Variants in BLK observed in about 807,000 individuals in gnomAD.
BLK encodes the protein BLK proto-oncogene, Src family tyrosine kinase.
In BLK, 64 loss-of-function variants were observed where a neutral mutation model predicts 61.8. That is an observed-to-expected ratio of 1.03 (90% CI 0.85 to 1.27). The LOEUF is 1.27. Ranked by LOEUF, BLK falls within the 50% of genes most tolerant of loss-of-function variation. BLK has a pLI of 0.00. For synonymous variants in BLK, 351 were observed against 272.0 expected, an observed-to-expected ratio of 1.29 and a Z score of -2.86; for missense variants, 853 against 660.5, an observed-to-expected ratio of 1.29 and a Z score of -3.19.
intron 1 of BLK, among the ~76,000 whole-genome samples, chr8:11,535,217 G>A (rs7822529): frequency 0.045 from 4,471 of 98,620 alleles, 203 homozygotes; most frequent in African/African-American, 0.092. Flanking sequence ...GAAAGAAAGA[G>A]AGAGAAAGAA....
chr8:11,510,191 G>A (rs944633451), intron 1 of BLK, among the ~76,000 whole-genome samples: 3 of 152,190 alleles, frequency 2.0e-5, no homozygotes, highest in African/African-American at 7.2e-5. Flanking sequence ...CGATGATATG[G>A]GGAGATGAAA....
At chr8:11,499,241 G>T (rs144619955) in intron 1 of BLK, among the ~76,000 whole-genome samples, 2 of 152,330 alleles carry the variant, frequency 1.3e-5, no homozygotes, top group African/African-American at 2.4e-5. Context: ...AGGCTGTGTA[G>T]GTGTGTAGCC....
intron 3 of BLK, among the ~76,000 whole-genome samples, chr8:11,546,912 T>A (rs899563748): frequency 5.9e-5 from 9 of 152,218 alleles, no homozygotes; most frequent in African/African-American, 2.2e-4. Context: ...GCTGGCCTGC[T>A]GGGTACTGTA....
intron 1 of BLK, among the ~76,000 whole-genome samples, chr8:11,533,612 A>AGGAGGAGGG: frequency 8.4e-6 from 1 of 119,536 alleles, no homozygotes; most frequent in Non-Finnish European, 1.7e-5. Flanking sequence ...GAGAAGGAGG[A>AGGAGGAGGG]GGAGAGGAGT....
At chr8:11,508,846 G>A (rs1424286985) in intron 1 of BLK, among the ~76,000 whole-genome samples, 1 of 152,196 alleles carries the variant, frequency 6.6e-6, no homozygotes, top group Non-Finnish European at 1.5e-5. Context: ...CATTTGCAGA[G>A]GCCAGAGGAG....
intron 1 of BLK, among the ~76,000 whole-genome samples, chr8:11,523,785 A>C (rs924759900): frequency 2.0e-5 from 3 of 152,180 alleles, no homozygotes; most frequent in African/African-American, 7.2e-5. Flanking sequence ...TCAATAGAAA[A>C]GTAAATTAAT....
At chr8:11,555,828 G>A (rs1196055980) in intron 8 of BLK, 2 of 381,900 alleles carry the variant, frequency 5.2e-6, no homozygotes, top group Non-Finnish European at 1.0e-5. Flanking sequence ...ATGGAAACAG[G>A]AGGTTAAACG....
rs78359721 is a variant in BLK at position 11,534,050 on chromosome 8, C to T, written c.-1-9174C>T. 7.1e-3 allele frequency among the ~76,000 whole-genome samples: 1,081 copies of T among 152,328 alleles called. 6 individuals carry two copies. Among genetic ancestry groups the T allele is most frequent in the Non-Finnish European group, 0.011 (742 of 68,032 alleles). On this transcript the variant is annotated intron_variant, in intron 1 of 12. Coordinates refer to ENST00000259089, the MANE Select transcript of BLK (RefSeq NM_001715.3). ...AGTGGAGCTCATGACCTGCCTGCAT[C>T]AGCATCACTGGGGGCATTTTTTAAA...
intron 1 of BLK, among the ~76,000 whole-genome samples, chr8:11,538,430 C>G (rs902675909): frequency 6.6e-6 from 1 of 152,160 alleles, no homozygotes; most frequent in African/African-American, 2.4e-5. Context: ...CCCATAGAGA[C>G]CTGAGGTACT....
chr8:11,560,658 CTCT>C (rs567493417), intron 10 of BLK: 194 of 354,194 alleles, frequency 5.5e-4, no homozygotes, highest in African/African-American at 3.2e-3. Flanking sequence ...AGAGACAAGT[CTCT>C]TCTTCTTCAC....
At chr8:11,531,666 CT>C (rs1280525123) in intron 1 of BLK, among the ~76,000 whole-genome samples, 2 of 152,162 alleles carry the variant, frequency 1.3e-5, no homozygotes, top group Non-Finnish European at 2.9e-5. Context: ...GTTTCATAGT[CT>C]TTCTGGTAGC....
intron 10 of BLK, chr8:11,559,831 C>G (rs1034607683): frequency 4.4e-6 from 2 of 456,074 alleles, no homozygotes; most frequent in African/African-American, 4.0e-5. Context: ...AATGTCATTT[C>G]TATGAAGGTT....
rs542703443 is a variant in BLK at position 11,556,932 on chromosome 8, A to T, written c.952+95A>T. 1,711 of 566,206 alleles carry T rather than the reference A, an allele frequency of 3.0e-3. 32 individuals carry two copies. In the South Asian group the frequency reaches 0.033, roughly 11 times the overall value. 35.1% of individuals were successfully genotyped at this position (566,206 alleles called of 1,614,324 possible). A position where few individuals can be genotyped will look rare whatever the true frequency, so the allele number is the denominator to read the frequency against. On this transcript the variant is annotated intron_variant, in intron 9 of 12. Transcript: ENST00000259089. ...TCCGCTGCGGTGGGTTCACCAGGCC[A>T]GGGGGTCCTGCAGATCTAGGGCATG...
chr8:11,548,379 C>T (rs1453164659), intron 4 of BLK, among the ~76,000 whole-genome samples: 2 of 152,242 alleles, frequency 1.3e-5, no homozygotes, highest in Admixed American at 1.3e-4. Context: ...CGCCTCCATG[C>T]AGCCCTCCTG....
chr8:11,520,233 T>C (rs1263016245), intron 1 of BLK, among the ~76,000 whole-genome samples: 2 of 151,802 alleles, frequency 1.3e-5, no homozygotes, highest in African/African-American at 4.8e-5. Flanking sequence ...TCCCAGCACT[T>C]TGGGAGGCTA....
chr8:11,497,461 G>A (rs1161185225), intron 1 of BLK, among the ~76,000 whole-genome samples: 4 of 152,134 alleles, frequency 2.6e-5, no homozygotes, highest in Non-Finnish European at 5.9e-5. Context: ...GCCCATTTGT[G>A]TGTCCCCAGC....
In BLK at chr8:11,554,780, G is replaced by C. The variant is rs747312270; in HGVS notation, c.510G>C (p.Gln170His). The C allele has an allele frequency of 2.8e-5, 45 of 1,613,874 alleles. No homozygotes were observed. The Middle Eastern group carries it at 6.6e-4, about 24-fold the overall frequency. ...TGTCTGTGAAGGATGTCACCACCCA[G>C]GGGGAGCTGATCAAGCACTATAAGA... is the stretch of plus-strand genomic sequence containing the variant. ...FSLSVKDVTT[Q>H]GELIKHYKIR... is the part of the protein sequence containing the mutation. The change falls in exon 7 of 13, where the codon CAG becomes CAC. Residue 170 changes from glutamine to histidine, a missense_variant. By Grantham distance (24) the Gln-to-His change is conservative (BLOSUM62 0). Transcript: ENST00000259089.
At chr8:11,555,057 C>T (rs1291275008) in intron 7 of BLK, among the ~76,000 whole-genome samples, 168 bp downstream of exon 7, 1 of 152,168 alleles carries the variant, frequency 6.6e-6, no homozygotes, top group African/African-American at 2.4e-5. Flanking sequence ...ATTGGTGGCC[C>T]TAATTCCCTC....
rs1801149841 is a variant in BLK at position 11,555,369 on chromosome 8, C to T, written c.657C>T (p.Pro219=). 1 of 1,614,170 alleles carries T rather than the reference C, an allele frequency of 6.2e-7. No homozygotes were observed. The part of the protein sequence containing the change: ...GDGLCQRLTL[P]CVRPAPQNPW... ...GTCTATGCCAGAGGCTGACCCTGCC[C>T]TGTGTGCGCCCGGCCCCGCAGAATC... The change falls in exon 8 of 13, where the codon CCC becomes CCT. Residue 219 remains proline (P), a synonymous_variant. Transcript: ENST00000259089.
Sources: gnomAD v4.1 joint callset for allele counts (sites outside exome capture counted in the v4.1 genomes callset) on GRCh38, gnomAD v4.1.1 for gene constraint, MANE v1.5 for transcripts, NCBI Gene and HGNC (gene_info 2026-07-23, HGNC 2026-07-21) for gene names.